Variants in SLC1A6 observed in about 807,000 individuals in gnomAD.
The protein encoded by SLC1A6 is excitatory amino acid transporter 4.
Under a neutral mutation model 42.1 loss-of-function variants are expected in SLC1A6, and 15 were observed. That is an observed-to-expected ratio of 0.36 (90% CI 0.24 to 0.55). The LOEUF (loss-of-function observed/expected upper bound fraction) is 0.55, where lower values mean the gene tolerates loss of function less well. Among genes scored for constraint, SLC1A6 ranks in the 20% least tolerant of loss-of-function variants. The probability of loss-of-function intolerance (pLI) is 0.88; values close to 1 mark genes in which losing one functional copy is unlikely to be tolerated. For missense variants in SLC1A6, 542 were observed against 772.5 expected (o/e 0.70, Z 3.54); for synonymous variants, 317 against 319.7 (o/e 0.99, Z 0.09).
chr19:14,998,130 T>C (rs2045856072), intron 1 of SLC1A6, among the ~76,000 whole-genome samples: 1 of 152,118 alleles, frequency 6.6e-6, no homozygotes. Context: ...GCCAAGGGCA[T>C]TCCAAAATTA....
chr19:14,966,693 G>C (rs942217447), intron 4 of SLC1A6, among the ~76,000 whole-genome samples: 1 of 152,128 alleles, frequency 6.6e-6, no homozygotes, highest in African/African-American at 2.4e-5. Flanking sequence ...ATACTATGCA[G>C]CCATAAAAAA....
At chr19:14,988,763 C>T (rs1177468319) in intron 1 of SLC1A6, among the ~76,000 whole-genome samples, 1 of 152,080 alleles carries the variant, frequency 6.6e-6, no homozygotes, top group Admixed American at 6.6e-5. Flanking sequence ...GCCTGTAATC[C>T]CAACACTGTG....
chr19:14,989,992 G>A (rs8099880), intron 1 of SLC1A6, among the ~76,000 whole-genome samples: 81,052 of 151,658 alleles, frequency 0.53, 21,789 homozygotes, highest in South Asian at 0.68. Context: ...ACTCTGTCTC[G>A]AAAAAATAGA....
intron 1 of SLC1A6, among the ~76,000 whole-genome samples, chr19:14,975,883 A>AAGGGAAGGGAAGGGAAGG (rs1555708017): frequency 1.5e-4 from 5 of 34,190 alleles, no homozygotes; most frequent in African/African-American, 2.8e-4. Context: ...AGGGAAGGGA[A>AAGGGAAGGGAAGGGAAGG]GGGAAGGGAA....
chr19:14,989,125 G>A (rs1753257568), intron 1 of SLC1A6, among the ~76,000 whole-genome samples: 1 of 152,144 alleles, frequency 6.6e-6, no homozygotes, highest in African/African-American at 2.4e-5. Context: ...AGGTGGGAGG[G>A]TCGGGGGCTG....
chr19:15,003,272 C>T (rs2045880783), intron 1 of SLC1A6, among the ~76,000 whole-genome samples: 1 of 152,184 alleles, frequency 6.6e-6, no homozygotes, highest in African/African-American at 2.4e-5. Flanking sequence ...GCCACCGTGC[C>T]TGGCCTGCCT....
At chr19:15,002,913 T>A (rs1384715555) in intron 1 of SLC1A6, among the ~76,000 whole-genome samples, 1 of 151,718 alleles carries the variant, frequency 6.6e-6, no homozygotes, top group Non-Finnish European at 1.5e-5. Context: ...TTTGTTTGTT[T>A]GTTTGTTTTC....
chr19:14,992,837 A>T (rs995253144), intron 1 of SLC1A6, among the ~76,000 whole-genome samples: 1 of 152,098 alleles, frequency 6.6e-6, no homozygotes, highest in South Asian at 2.1e-4. Context: ...TGCAAGGTGG[A>T]GCTTGAACAC....
At chr19:15,009,413 GAATACTT>G (rs1179878455) in intron 1 of SLC1A6, among the ~76,000 whole-genome samples, 1 of 151,958 alleles carries the variant, frequency 6.6e-6, no homozygotes, top group African/African-American at 2.4e-5. Context: ...ATATGCCGTG[GAATACTT>G]AGCCATAAAA....
intron 1 of SLC1A6, among the ~76,000 whole-genome samples, chr19:14,988,157 T>C (rs1051543169): frequency 2.0e-5 from 3 of 152,182 alleles, no homozygotes; most frequent in African/African-American, 7.2e-5. Context: ...CCTATCTTAG[T>C]GCACCTGAAG....
chr19:15,006,062 T>G (rs902809633), intron 1 of SLC1A6, among the ~76,000 whole-genome samples: 1 of 152,366 alleles, frequency 6.6e-6, no homozygotes, highest in Admixed American at 6.5e-5. Flanking sequence ...AAACCCTCTC[T>G]GGACCTCTTC....
chr19:14,968,617 G>T, intron 3 of SLC1A6, 110 bp from the exon 4 acceptor site: 2 of 938,644 alleles, frequency 2.1e-6, no homozygotes, highest in Non-Finnish European at 3.2e-6. Context: ...GACCCACCAA[G>T]CATCCCTTTT....
intron 3 of SLC1A6, among the ~76,000 whole-genome samples, chr19:14,970,236 AT>A (rs1006139989): frequency 2.6e-5 from 4 of 151,664 alleles, no homozygotes; most frequent in Non-Finnish European, 4.4e-5. Flanking sequence ...TATCCTGCTG[AT>A]TTTTTTTATT....
chr19:15,005,417 G>A (rs1600043107), intron 1 of SLC1A6, among the ~76,000 whole-genome samples: 1 of 152,294 alleles, frequency 6.6e-6, no homozygotes, highest in Non-Finnish European at 1.5e-5. Context: ...GCTGAGGCAG[G>A]AGAATCACTT....
At chr19:14,954,539 G>A (rs898101907) in intron 7 of SLC1A6, among the ~76,000 whole-genome samples, 5 of 152,042 alleles carry the variant, frequency 3.3e-5, no homozygotes, top group Non-Finnish European at 7.4e-5. Context: ...TAGGTGAGGC[G>A]GGGCTCAGAG....
At chr19:14,968,266 T>C (rs73011399) in intron 4 of SLC1A6, 37 bp downstream of exon 4, 347,148 of 1,475,864 alleles carry the variant, frequency 0.24, 42,558 homozygotes, top group Admixed American at 0.34. Context: ...GTCTCCTTTT[T>C]CAAATGTGTA....
chr19:15,000,445 A>T (rs1478395407), intron 1 of SLC1A6, among the ~76,000 whole-genome samples: 1 of 152,176 alleles, frequency 6.6e-6, no homozygotes, highest in Non-Finnish European at 1.5e-5. Context: ...TACCTTCCAC[A>T]TATAAGTGAG....
chr19:14,983,514 C>T (rs2045777919), upstream of SLC1A6, among the ~76,000 whole-genome samples: 1 of 151,634 alleles, frequency 6.6e-6, no homozygotes, highest in African/African-American at 2.4e-5. Flanking sequence ...ATTGAGACTC[C>T]CCCATCTCCA....
chr19:15,002,416 A>G (rs1468688171), intron 1 of SLC1A6, among the ~76,000 whole-genome samples: 1 of 152,204 alleles, frequency 6.6e-6, no homozygotes, highest in African/African-American at 2.4e-5. Flanking sequence ...AATTATAGGC[A>G]TGAGCCACCA....
Sources: allele counts gnomAD v4.1 joint callset (sites outside exome capture counted in the v4.1 genomes callset), GRCh38; gene constraint gnomAD v4.1.1; transcripts MANE v1.5; gene names NCBI Gene and HGNC (gene_info 2026-07-23, HGNC 2026-07-21).